Variants in CCDC148 observed in about 807,000 individuals in gnomAD.
CCDC148 encodes the protein coiled-coil domain containing 148.
In CCDC148, 89 loss-of-function variants were observed where a neutral mutation model predicts 85.7. The ratio of observed to expected loss-of-function variants is 1.04; its 90% CI spans 0.87 to 1.24. CCDC148 has a LOEUF of 1.24. CCDC148 is among the 50% of genes most tolerant of loss of function. The probability of loss-of-function intolerance (pLI) is 0.00; values close to 1 mark genes in which losing one functional copy is unlikely to be tolerated. For synonymous variants in CCDC148, 230 were observed against 213.9 expected (o/e 1.08, Z -0.66); for missense variants, 692 against 671.7 (o/e 1.03, Z -0.33).
At chr2:158,288,693 T>C in intron 9 of CCDC148, 1 of 313,294 alleles carries the variant, frequency 3.2e-6, no homozygotes, top group Non-Finnish European at 6.1e-6. Flanking sequence ...TTCTGAGCCT[T>C]CCACACTGTT....
intron 10 of CCDC148, among the ~76,000 whole-genome samples, chr2:158,242,594 C>G: frequency 6.6e-6 from 1 of 151,384 alleles, no homozygotes; most frequent in African/African-American, 2.4e-5. Context: ...AGTGGGCTCA[C>G]TGAATTCATG....
intron 9 of CCDC148, among the ~76,000 whole-genome samples, chr2:158,260,342 G>C (rs937850377): frequency 1.3e-5 from 2 of 151,920 alleles, no homozygotes; most frequent in African/African-American, 4.8e-5. Flanking sequence ...CAATAAACTA[G>C]GTATTGAATG....
intron 1 of CCDC148, among the ~76,000 whole-genome samples, chr2:158,433,602 A>C (rs1687481455): frequency 6.6e-6 from 1 of 152,146 alleles, no homozygotes; most frequent in Admixed American, 6.5e-5. Context: ...CAACTGAGGT[A>C]CCAGATTCAT....
chr2:158,269,536 G>C lies in CCDC148; in HGVS notation c.1111-18624C>G, dbSNP rs13021109. Among the ~76,000 whole-genome samples, 22 of 152,310 alleles carry C rather than the reference G, an allele frequency of 1.4e-4. No individual in the cohort carries two copies. The South Asian group carries it at 1.7e-3, about 11-fold the overall frequency. On this transcript the variant is annotated intron_variant, in intron 9 of 13. Transcript: ENST00000283233. ...AGCATGTGTAAACCTAGAAATGCAA[G>C]AAAGTTTATACCCTATTGGTCAACC... is the stretch of plus-strand genomic sequence containing the variant.
chr2:158,455,300 G>T (rs915992580), intron 1 of CCDC148, among the ~76,000 whole-genome samples: 1 of 151,976 alleles, frequency 6.6e-6, no homozygotes, highest in African/African-American at 2.4e-5. Flanking sequence ...TATTTAGGGG[G>T]AACATACACA....
chr2:158,421,501 A>C (rs199614978), intron 1 of CCDC148, among the ~76,000 whole-genome samples: 2 of 152,148 alleles, frequency 1.3e-5, no homozygotes, highest in Non-Finnish European at 2.9e-5. Flanking sequence ...GGGTACATAA[A>C]GAAATGAAGG....
intron 10 of CCDC148, among the ~76,000 whole-genome samples, chr2:158,224,852 C>T (rs1196039668): frequency 2.6e-5 from 4 of 151,998 alleles, no homozygotes; most frequent in African/African-American, 7.3e-5. Context: ...CAAAAACATG[C>T]CAAATTGTAA....
In CCDC148 at chr2:158,301,810, C is replaced by T. The variant is rs148553038; in HGVS notation, c.1110+7623G>A. Among the ~76,000 whole-genome samples, 602 of 152,234 alleles carry T rather than the reference C, an allele frequency of 4.0e-3. 2 individuals carry two copies. Among genetic ancestry groups the T allele is most frequent in the Non-Finnish European group, 5.9e-3 (400 of 68,020 alleles). On this transcript the variant is annotated intron_variant, in intron 9 of 13. Coordinates refer to ENST00000283233, the MANE Select transcript of CCDC148 (RefSeq NM_138803.4). ...AAGAGCCTTGCTGGATTAGGTAATA[C>T]GGTGGTCACTGGAGACCTTAAGGGG...
At chr2:158,190,926 A>T (rs1685394921) in intron 11 of CCDC148, among the ~76,000 whole-genome samples, 1 of 152,026 alleles carries the variant, frequency 6.6e-6, no homozygotes, top group African/African-American at 2.4e-5. Context: ...AATCACAAAT[A>T]CTAAAAGAGG....
rs1687598900 is a variant in CCDC148, at chr2:158,227,327, A to G, written c.1252-6614T>C. 4.6e-5 allele frequency among the ~76,000 whole-genome samples: 7 copies of G among 151,454 alleles called. 1 individual carries two copies. In the South Asian group the frequency reaches 1.5e-3, roughly 32 times the overall value. On this transcript the variant is annotated intron_variant, in intron 10 of 13. Transcript: ENST00000283233. ...AAAGAGGATACAAACAAATGGAAGA[A>G]CATTCCATGCTCATGGGTAGGAAGA...
chr2:158,261,853 GT>G (rs928922486), intron 9 of CCDC148, among the ~76,000 whole-genome samples: 6 of 152,022 alleles, frequency 3.9e-5, no homozygotes, highest in Non-Finnish European at 7.4e-5. Context: ...TTATTAAAAA[GT>G]TGAAAAATAA....
At chr2:158,178,829 A>C in intron 12 of CCDC148, 50 bp downstream of exon 12, 1 of 1,264,200 alleles carries the variant, frequency 7.9e-7, no homozygotes, top group East Asian at 2.4e-5. Context: ...AGCACTTAGA[A>C]ACATTTTTTT....
At chr2:158,319,995 T>A (rs554706005) in intron 7 of CCDC148, among the ~76,000 whole-genome samples, 2 of 152,222 alleles carry the variant, frequency 1.3e-5, no homozygotes, top group Non-Finnish European at 2.9e-5. Flanking sequence ...AAAATCTGTC[T>A]CCATGTTACC....
At chr2:158,359,088 T>C (rs774371618) in intron 1 of CCDC148, among the ~76,000 whole-genome samples, 2 of 152,190 alleles carry the variant, frequency 1.3e-5, no homozygotes, top group Non-Finnish European at 2.9e-5. Context: ...ATTAAAATGA[T>C]GTAAAATGTC....
intron 1 of CCDC148, among the ~76,000 whole-genome samples, chr2:158,433,092 A>AAAAAAAAAAATATACATATATC (rs1559141535): frequency 1.5e-5 from 1 of 67,320 alleles, no homozygotes; most frequent in African/African-American, 5.1e-5. Context: ...AAAAAAAAAA[A>AAAAAAAAAAATATACATATATC]TATATATATA....
At chr2:158,430,640 G>A (rs989240822) in intron 1 of CCDC148, among the ~76,000 whole-genome samples, 1 of 152,092 alleles carries the variant, frequency 6.6e-6, no homozygotes, top group African/African-American at 2.4e-5. Context: ...ATAACATAAA[G>A]ATAAATATTT....
At chr2:158,299,746 G>A (rs1691357453) in intron 9 of CCDC148, among the ~76,000 whole-genome samples, 1 of 152,190 alleles carries the variant, frequency 6.6e-6, no homozygotes, top group South Asian at 2.1e-4. Flanking sequence ...GCTCACATCT[G>A]ATTTGTGAAA....
At chr2:158,261,263 T>A (rs756403054) in intron 9 of CCDC148, among the ~76,000 whole-genome samples, 4 of 151,994 alleles carry the variant, frequency 2.6e-5, no homozygotes, top group Non-Finnish European at 5.9e-5. Context: ...AAACAAGTAA[T>A]GGGGAAAAGA....
intron 1 of CCDC148, among the ~76,000 whole-genome samples, chr2:158,439,031 C>A (rs1457876098): frequency 6.6e-6 from 1 of 152,168 alleles, no homozygotes; most frequent in African/African-American, 2.4e-5. Context: ...GTTGGTGGGA[C>A]TGTAAACTAG....
Sources: allele counts gnomAD v4.1 joint callset (sites outside exome capture counted in the v4.1 genomes callset), GRCh38; gene constraint gnomAD v4.1.1; transcripts MANE v1.5; gene names NCBI Gene and HGNC (gene_info 2026-07-23, HGNC 2026-07-21).